POLR2F: variants seen among roughly 807,000 people sequenced by gnomAD.
POLR2F encodes RNA polymerase II, I and III subunit F.
POLR2F carries 12 observed loss-of-function variants against 22.7 expected under a neutral mutation model. The observed-to-expected ratio is 0.53, with a 90% confidence interval of 0.34 to 0.86. The LOEUF (loss-of-function observed/expected upper bound fraction) is 0.86. Ranked by LOEUF, POLR2F falls within the 40% of genes least tolerant of loss-of-function variation. POLR2F has a pLI of 0.02. For missense variants in POLR2F, 126 were observed against 171.5 expected (o/e 0.73, Z 1.48); for synonymous variants, 57 against 66.0 (o/e 0.86, Z 0.66).
At chr22:38,030,265 G>C (rs2085052213), downstream of POLR2F, among the ~76,000 whole-genome samples, 1 of 152,146 alleles carries the variant, frequency 6.6e-6, no homozygotes, top group Non-Finnish European at 1.5e-5. Context: ...AGCCCCCTGG[G>C]GAGCCAGGAG....
intron 1 of POLR2F, among the ~76,000 whole-genome samples, chr22:37,994,587 C>T (rs773714445): frequency 1.2e-4 from 19 of 152,120 alleles, no homozygotes; most frequent in African/African-American, 2.2e-4. Context: ...GGAGTGATCT[C>T]GGCTTACTGC....
intron 1 of POLR2F, among the ~76,000 whole-genome samples, chr22:38,002,714 C>G (rs1415424453): frequency 6.6e-6 from 1 of 152,004 alleles, no homozygotes; most frequent in Non-Finnish European, 1.5e-5. Flanking sequence ...GGAAAATGGC[C>G]TGATGGTGAC....
At chr22:38,041,267 A>G, downstream of POLR2F, 1 of 1,079,706 alleles carries the variant, frequency 9.3e-7, no homozygotes, top group East Asian at 2.4e-5. Context: ...AGGGGGAGGG[A>G]GGTTTCCAGG....
chr22:37,971,206 T>C (rs1932040795), downstream of POLR2F: 1 of 470,152 alleles, frequency 2.1e-6, no homozygotes, highest in Non-Finnish European at 4.4e-6. Context: ...GAGGGGATGA[T>C]GGTTAAAAAT....
intron 1 of POLR2F, among the ~76,000 whole-genome samples, chr22:38,013,256 C>T (rs184944247): frequency 3.5e-4 from 53 of 152,330 alleles, no homozygotes; most frequent in South Asian, 6.2e-4. Context: ...AGTGATTCTA[C>T]TGCCTCAGCT....
At chr22:37,999,857 G>A (rs2084753163) in intron 1 of POLR2F, among the ~76,000 whole-genome samples, 1 of 152,202 alleles carries the variant, frequency 6.6e-6, no homozygotes, top group African/African-American at 2.4e-5. Flanking sequence ...ACCACTGTGT[G>A]TTGTTATTTT....
upstream of POLR2F, chr22:37,983,336 G>A (rs1932459322): frequency 6.3e-7 from 1 of 1,596,246 alleles, no homozygotes; most frequent in East Asian, 2.3e-5. The surrounding 1 kb of genome is among the most constrained non-coding windows in gnomAD (Gnocchi z 9.5). Flanking sequence ...GCCCGAGCCC[G>A]GGGGGCGGTC....
chr22:37,997,474 C>T lies in POLR2F; in HGVS notation c.120+11162C>T, dbSNP rs1432718317. ...TGTTTTTCTCTCCCTGATGCGTTCT[C>T]TCTGTCCCTCCCTCCATGAATTTCT... On this transcript the variant is annotated intron_variant, in intron 1 of 2. Transcript: ENST00000333418. The surrounding 1 kb of genome is among the most constrained non-coding windows in gnomAD (Gnocchi z 4.4). 6.6e-6 allele frequency among the ~76,000 whole-genome samples: 1 copy of T among 152,134 alleles called. No individual in the cohort carries two copies. The highest frequency in any genetic ancestry group is 1.5e-5 in the Non-Finnish European group (1 of 68,030).
At position 38,016,565 on chromosome 22, in the gene POLR2F, G is replaced by A. The variant is rs913102823; in HGVS notation, c.121-9304G>A. ...GCTTGGCAGGACTTGGTGGGGTGGG[G>A]GCTTAGAAGCAGCTGCGCGCGACGT... On this transcript the variant is annotated intron_variant, in intron 1 of 2. Coordinates refer to the POLR2F transcript ENST00000333418. The surrounding 1 kb of genome is among the most constrained non-coding windows in gnomAD (Gnocchi z 4.4). Among the ~76,000 whole-genome samples, 4 of 152,178 alleles carry A rather than the reference G, an allele frequency of 2.6e-5. No homozygotes were observed. The South Asian group carries it at 8.3e-4, about 31-fold the overall frequency.
rs1931431796 is a variant in POLR2F at position 37,957,038 on chromosome 22, A to C, written c.90+196A>C. The C allele has an allele frequency of 1.3e-5, 8 of 614,952 alleles. No homozygotes were observed. In the South Asian group the frequency reaches 1.3e-4, roughly 10 times the overall value. The allele number at this position is 614,952 out of a possible 1,614,324, so 38.1% of individuals were successfully genotyped here. ...AGGGTGGGCCTGAAAGCTTTTGTCC[A>C]TGTGGTCCACAGCCTGTGGCTTCTG... On this transcript the variant is annotated intron_variant, in intron 2 of 4. Transcript: ENST00000442738.
intron 1 of POLR2F, among the ~76,000 whole-genome samples, chr22:37,993,281 G>A (rs1347021181): frequency 1.3e-5 from 2 of 152,160 alleles, no homozygotes; most frequent in Admixed American, 1.3e-4. Flanking sequence ...AACTGACAAC[G>A]ACAATGGGAC....
At chr22:38,029,278 G>A (rs1327577980), downstream of POLR2F, among the ~76,000 whole-genome samples, 2 of 152,208 alleles carry the variant, frequency 1.3e-5, no homozygotes, top group African/African-American at 4.8e-5. Flanking sequence ...CTTATCCAGA[G>A]GGGAAAACTG....
chr22:37,973,201 G>C (rs1410719195), downstream of POLR2F: 1 of 382,330 alleles, frequency 2.6e-6, no homozygotes, highest in African/African-American at 2.1e-5. Flanking sequence ...TCAGGTCCTG[G>C]GATAGAGGGT....
chr22:37,973,468 C>T (rs563902004), downstream of POLR2F: 57 of 1,420,356 alleles, frequency 4.0e-5, no homozygotes, highest in African/African-American at 2.0e-4. Flanking sequence ...AGGGGCTGGG[C>T]GGGGGGTGGT....
At chr22:38,039,464 G>A (rs1177481738) in intron 5 of POLR2F, among the ~76,000 whole-genome samples, 1 of 152,190 alleles carries the variant, frequency 6.6e-6, no homozygotes, top group Non-Finnish European at 1.5e-5. Context: ...GCCAGGACTG[G>A]GCGCTCATCC....
At chr22:38,023,835 G>C (rs1320291782) in intron 1 of POLR2F, among the ~76,000 whole-genome samples, 1 of 128,874 alleles carries the variant, frequency 7.8e-6, no homozygotes, top group South Asian at 2.6e-4. Context: ...ACCACGCCTG[G>C]CTAATTTTTT....
chr22:38,025,705 C>G, intron 1 of POLR2F: 2 of 1,536,384 alleles, frequency 1.3e-6, no homozygotes, highest in Non-Finnish European at 1.7e-6. Flanking sequence ...ATCATCACCC[C>G]ATTGTACAGA....
downstream of POLR2F, among the ~76,000 whole-genome samples, chr22:38,029,213 A>T (rs1275811293): frequency 6.6e-6 from 1 of 152,186 alleles, no homozygotes; most frequent in Non-Finnish European, 1.5e-5. Context: ...CATATCACAG[A>T]ATCCCAGAAT....
At chr22:37,964,798 C>T (rs541341619) in intron 3 of POLR2F, among the ~76,000 whole-genome samples, 1 of 152,096 alleles carries the variant, frequency 6.6e-6, no homozygotes, top group South Asian at 2.1e-4. Flanking sequence ...GTCTTGAACT[C>T]GTGACCTCAG....
Sources: allele counts gnomAD v4.1 joint callset (sites outside exome capture counted in the v4.1 genomes callset), GRCh38; gene constraint gnomAD v4.1.1; non-coding constraint Gnocchi (gnomAD v3.1); transcripts MANE v1.5; gene names NCBI Gene and HGNC (gene_info 2026-07-23, HGNC 2026-07-21).